The following FCHO2 variants were observed in gnomAD, a reference collection of about 807,000 sequenced individuals.
FCHO2 encodes F-BAR domain only protein 2.
A neutral mutation model predicts 114.1 loss-of-function variants in FCHO2; 43 were observed. The observed-to-expected ratio is 0.38, with a 90% CI of 0.30 to 0.49. The LOEUF is 0.49. FCHO2 is among the 20% of genes least tolerant of loss of function. The probability of loss-of-function intolerance (pLI) is 0.97; values close to 1 mark genes in which losing one functional copy is unlikely to be tolerated. For synonymous variants in FCHO2, 293 were observed against 315.2 expected, an observed-to-expected ratio of 0.93 and a Z score of 0.75; for missense variants, 807 against 950.4, an observed-to-expected ratio of 0.85 and a Z score of 1.98.
chr5:73,076,289 G>A (rs1226004114), intron 20 of FCHO2, among the ~76,000 whole-genome samples: 1 of 152,078 alleles, frequency 6.6e-6, no homozygotes, highest in Non-Finnish European at 1.5e-5. Flanking sequence ...TTCAGGAGCC[G>A]AAGGTGATGC....
At chr5:73,011,340 A>G (rs922150336) in intron 6 of FCHO2, among the ~76,000 whole-genome samples, 10 of 152,220 alleles carry the variant, frequency 6.6e-5, no homozygotes, top group African/African-American at 2.4e-4. Context: ...ACTTAAAAAA[A>G]TTTTAAACAT....
chr5:72,961,846 C>T (rs530584556), intron 1 of FCHO2, among the ~76,000 whole-genome samples: 2 of 152,296 alleles, frequency 1.3e-5, no homozygotes, highest in African/African-American at 4.8e-5. Context: ...CTGCCTCGGC[C>T]TCCCAAAGTG....
chr5:73,068,872 T>A, intron 19 of FCHO2, 93 bp downstream of exon 19: 1 of 1,370,776 alleles, frequency 7.3e-7, no homozygotes, highest in Non-Finnish European at 9.7e-7. Flanking sequence ...TAATGAAGAA[T>A]TTAACATTAT....
intron 1 of FCHO2, among the ~76,000 whole-genome samples, chr5:72,959,174 C>T (rs1367564137): frequency 6.6e-6 from 1 of 152,126 alleles, no homozygotes; most frequent in African/African-American, 2.4e-5. Flanking sequence ...CTAGGAAGGT[C>T]TAGGAATTAA....
intron 21 of FCHO2, 93 bp from the exon 22 acceptor site, chr5:73,078,087 C>A: frequency 1.0e-6 from 1 of 954,292 alleles, no homozygotes; most frequent in Non-Finnish European, 1.5e-6. Context: ...TGGTTTATTT[C>A]TACTAGTTTT....
intron 5 of FCHO2, among the ~76,000 whole-genome samples, chr5:72,996,048 G>A (rs536819693): frequency 6.6e-6 from 1 of 152,068 alleles, no homozygotes; most frequent in Non-Finnish European, 1.5e-5. Flanking sequence ...TTCAAGACTA[G>A]CCTGGCCAAC....
chr5:73,074,750 C>G lies in FCHO2; in HGVS notation c.1588C>G (p.Arg530Gly). ...AATTGTGTATATTCTAGGTGTGTCA[C>G]GGGGTCCCAGCCCTGTCAGCCTTGG... ...AANTPTVGVS[R>G]GPSPVSLGNQ... The change falls in exon 20 of 26, where the codon CGG becomes GGG. Residue 530 changes from arginine (R) to glycine (G), a missense_variant. Coordinates refer to ENST00000430046, the MANE Select transcript of FCHO2 (RefSeq NM_138782.3). 1 of 1,611,796 alleles carries G rather than the reference C, an allele frequency of 6.2e-7. No homozygotes were observed. Among genetic ancestry groups the G allele is most frequent in the East Asian group, 2.2e-5 (1 of 44,794 alleles).
intron 2 of FCHO2, among the ~76,000 whole-genome samples, chr5:72,985,655 T>A (rs917488019): frequency 3.9e-5 from 6 of 152,238 alleles, no homozygotes; most frequent in African/African-American, 1.4e-4. Flanking sequence ...TAGATTTTTT[T>A]AATTAATTTT....
intron 5 of FCHO2, among the ~76,000 whole-genome samples, chr5:72,992,562 G>T (rs1753863900): frequency 6.6e-6 from 1 of 152,086 alleles, no homozygotes; most frequent in Non-Finnish European, 1.5e-5. Flanking sequence ...TTAGGATGAG[G>T]TACAAAGAGC....
chr5:73,058,428 G>T lies in FCHO2; in HGVS notation c.1254-5G>T. 2.0e-6 allele frequency: 3 copies of T among 1,533,736 alleles called. No individual in the cohort carries two copies. Among genetic ancestry groups the T allele is most frequent in the East Asian group, 2.4e-5 (1 of 42,020 alleles). On this transcript the variant is annotated splice_region_variant and splice_polypyrimidine_tract_variant and intron_variant, in intron 16 of 25. Coordinates refer to ENST00000430046, the MANE Select transcript of FCHO2 (RefSeq NM_138782.3). Reference sequence around the variant, plus strand: ...AAATTTTTGCTTTTAAAAATATTATGGTAGAAAAGGAACCAGTGATTTACT... The same window carrying T: ...AAATTTTTGCTTTTAAAAATATTATTGTAGAAAAGGAACCAGTGATTTACT...
chr5:73,076,109 T>A (rs1388119695), intron 20 of FCHO2, among the ~76,000 whole-genome samples: 1 of 152,074 alleles, frequency 6.6e-6, no homozygotes. Context: ...AGAGAACCAA[T>A]AGACCCGTGT....
At chr5:73,054,767 C>G (rs1311387803) in intron 15 of FCHO2, among the ~76,000 whole-genome samples, 1 of 152,112 alleles carries the variant, frequency 6.6e-6, no homozygotes. Context: ...ATGGCTACAA[C>G]ATTTTTCAGA....
At chr5:72,997,478 G>C in intron 5 of FCHO2, 1 of 1,550,224 alleles carries the variant, frequency 6.5e-7, no homozygotes, top group Non-Finnish European at 8.9e-7. Flanking sequence ...TAACTCTCCA[G>C]GGGTTTACAG....
intron 10 of FCHO2, among the ~76,000 whole-genome samples, chr5:73,039,433 T>TA (rs1561469534): frequency 6.6e-6 from 1 of 152,166 alleles, no homozygotes; most frequent in African/African-American, 2.4e-5. Context: ...GCATCTTTTT[T>TA]AAAAAAAGAA....
intron 2 of FCHO2, among the ~76,000 whole-genome samples, chr5:72,976,390 G>A (rs1201491733): frequency 6.6e-6 from 1 of 151,810 alleles, no homozygotes; most frequent in African/African-American, 2.4e-5. Context: ...TTTTGTTGTT[G>A]TCAAGATGTG....
At chr5:72,997,696 C>T (rs1429658998) in intron 5 of FCHO2, 3 of 1,543,810 alleles carry the variant, frequency 1.9e-6, no homozygotes, top group Non-Finnish European at 2.6e-6. Flanking sequence ...GGAGGGCGAG[C>T]CCTTGGGATA....
At chr5:73,040,325 G>A (rs1382138836) in intron 10 of FCHO2, among the ~76,000 whole-genome samples, 2 of 152,140 alleles carry the variant, frequency 1.3e-5, no homozygotes, top group African/African-American at 4.8e-5. Flanking sequence ...TTTTGTTTGA[G>A]CATCCTGTTA....
At chr5:73,005,206 C>G (rs1338672303) in intron 5 of FCHO2, among the ~76,000 whole-genome samples, 1 of 152,112 alleles carries the variant, frequency 6.6e-6, no homozygotes, top group Non-Finnish European at 1.5e-5. Context: ...CTATATGTAC[C>G]TCTTACCAAA....
chr5:73,002,088 A>G (rs1754474993), intron 5 of FCHO2, among the ~76,000 whole-genome samples: 1 of 152,202 alleles, frequency 6.6e-6, no homozygotes, highest in Non-Finnish European at 1.5e-5. Flanking sequence ...CCTTTGAGAT[A>G]AAGATAATAG....
Sources: allele counts gnomAD v4.1 joint callset (sites outside exome capture counted in the v4.1 genomes callset), GRCh38; gene constraint gnomAD v4.1.1; transcripts MANE v1.5; gene names NCBI Gene and HGNC (gene_info 2026-07-23, HGNC 2026-07-21).